The following ZNF385D variants were observed in gnomAD, a reference collection of about 807,000 sequenced individuals.
The protein encoded by ZNF385D is zinc finger protein 385D.
A neutral mutation model predicts 35.8 loss-of-function variants in ZNF385D; 15 were observed. The ratio of observed to expected loss-of-function variants is 0.42; its 90% confidence interval spans 0.28 to 0.64. The LOEUF (loss-of-function observed/expected upper bound fraction) is 0.64, where lower values mean the gene tolerates loss of function less well. Among genes scored for constraint, ZNF385D ranks in the 30% least tolerant of loss-of-function variants. The pLI is 0.23. For synonymous variants in ZNF385D, 212 were observed against 186.8 expected, an observed-to-expected ratio of 1.13 and a Z score of -1.10; for missense variants, 474 against 494.6, an observed-to-expected ratio of 0.96 and a Z score of 0.39.
chr3:21,799,665 G>GT (rs2072310527), intron 3 of ZNF385D, among the ~76,000 whole-genome samples: 1 of 152,036 alleles, frequency 6.6e-6, no homozygotes, highest in Non-Finnish European at 1.5e-5. Flanking sequence ...CATATTCTGA[G>GT]TATTAGACCT....
chr3:22,197,669 C>T (rs896239878), intron 2 of ZNF385D, among the ~76,000 whole-genome samples: 1 of 152,082 alleles, frequency 6.6e-6, no homozygotes, highest in Non-Finnish European at 1.5e-5. Flanking sequence ...CAGTGTTTTT[C>T]ACTCCTGTTG....
At chr3:21,719,745 A>T (rs2068464472) in intron 1 of ZNF385D, among the ~76,000 whole-genome samples, 1 of 151,154 alleles carries the variant, frequency 6.6e-6, no homozygotes, top group African/African-American at 2.5e-5. Context: ...TCTCTCTCTC[A>T]GAGTATAATG....
At chr3:21,719,590 T>C (rs1385499638) in intron 1 of ZNF385D, among the ~76,000 whole-genome samples, 2 of 152,162 alleles carry the variant, frequency 1.3e-5, no homozygotes, top group Non-Finnish European at 2.9e-5. Flanking sequence ...ATGAGACATA[T>C]GACGTATGAA....
At chr3:21,947,641 C>T (rs574994919) in intron 3 of ZNF385D, among the ~76,000 whole-genome samples, 24 of 152,222 alleles carry the variant, frequency 1.6e-4, no homozygotes, top group African/African-American at 2.2e-4. Flanking sequence ...TGAGCCACCG[C>T]GCCCGGCTAT....
At chr3:21,724,350 C>T (rs1209228466) in intron 1 of ZNF385D, among the ~76,000 whole-genome samples, 9 of 151,604 alleles carry the variant, frequency 5.9e-5, no homozygotes, top group African/African-American at 1.5e-4. Flanking sequence ...AAAAGACACA[C>T]AATGGCACAT....
At chr3:22,108,640 C>A (rs147264132) in intron 3 of ZNF385D, among the ~76,000 whole-genome samples, 1 of 152,066 alleles carries the variant, frequency 6.6e-6, no homozygotes, top group Non-Finnish European at 1.5e-5. Flanking sequence ...CTCTCTAAGG[C>A]CAATTCTCTC....
intron 3 of ZNF385D, among the ~76,000 whole-genome samples, chr3:21,913,866 T>C (rs1700076034): frequency 1.3e-5 from 2 of 152,090 alleles, no homozygotes; most frequent in African/African-American, 4.8e-5. Flanking sequence ...TCCTCATCAG[T>C]AGTTGTTAAA....
In ZNF385D at chr3:21,420,620, G is replaced by C. The variant is rs1320648475; in HGVS notation, c.*594C>G. ...TGAAATAGTTGTTCATTCTACCTTT[G>C]CAATTCTTTAAAACCTAGTGGCATA... On this transcript the variant is annotated 3_prime_UTR_variant, in exon 8 of 8. Transcript: ENST00000281523. The C allele has an allele frequency of 6.6e-6, 1 of 152,188 alleles. No homozygotes were observed. The highest frequency in any genetic ancestry group is 1.5e-5 in the Non-Finnish European group (1 of 68,126). 9.4% of individuals were successfully genotyped at this position (152,188 alleles called of 1,614,324 possible).
intron 2 of ZNF385D, among the ~76,000 whole-genome samples, chr3:22,348,794 G>A (rs1252596552): frequency 6.6e-6 from 1 of 152,138 alleles, no homozygotes; most frequent in Non-Finnish European, 1.5e-5. Flanking sequence ...TAAGGAGAGA[G>A]GCATGGTGAT....
intron 3 of ZNF385D, chr3:21,563,235 T>C (rs1019850822): frequency 3.9e-5 from 6 of 152,256 alleles, no homozygotes; most frequent in African/African-American, 1.4e-4. Context: ...AAATATGCCA[T>C]GTGGGAACCA....
chr3:22,215,405 A>C (rs931120653), intron 2 of ZNF385D, among the ~76,000 whole-genome samples: 1 of 152,064 alleles, frequency 6.6e-6, no homozygotes, highest in African/African-American at 2.4e-5. Flanking sequence ...CATCCCTGAG[A>C]AAGAGAATGC....
intron 2 of ZNF385D, among the ~76,000 whole-genome samples, chr3:21,600,880 T>TAAAA (rs5847117): frequency 0.034 from 5,160 of 151,314 alleles, 199 homozygotes; most frequent in African/African-American, 0.092. Flanking sequence ...AATTTAAAAA[T>TAAAA]AATAAGTCAA....
At position 21,731,702 on chromosome 3, in the gene ZNF385D, T is replaced by C. The variant is rs1045806435; in HGVS notation, c.22+19193A>G. Among the ~76,000 whole-genome samples, 131 of 152,324 alleles carry C rather than the reference T, an allele frequency of 8.6e-4. 3 individuals are homozygous for C. Among genetic ancestry groups the C allele is most frequent in the African/African-American group, 3.1e-3 (129 of 41,566 alleles). ...ACCCCTGGCAATCCCACTAATACTG[T>C]ATTTTGAATATGAATTTGATAGAAA... On this transcript the variant is annotated intron_variant, in intron 1 of 7. Transcript: ENST00000281523.
chr3:21,904,123 T>C (rs983261334), intron 3 of ZNF385D, among the ~76,000 whole-genome samples: 2 of 151,634 alleles, frequency 1.3e-5, no homozygotes, highest in African/African-American at 4.8e-5. Flanking sequence ...GACAACATGG[T>C]TGAAATCCCA....
intron 3 of ZNF385D, among the ~76,000 whole-genome samples, chr3:22,025,372 C>A (rs891041428): frequency 1.2e-4 from 18 of 152,212 alleles, no homozygotes; most frequent in African/African-American, 4.1e-4. Context: ...CCTAGAGGGT[C>A]CCTAGAGGTG....
At chr3:21,874,987 C>G (rs1166459047) in intron 3 of ZNF385D, among the ~76,000 whole-genome samples, 1 of 122,108 alleles carries the variant, frequency 8.2e-6, no homozygotes, top group Non-Finnish European at 1.8e-5. Flanking sequence ...TATTTTGATG[C>G]CTTTTTTTAT....
chr3:22,076,589 T>G (rs1700475790), intron 3 of ZNF385D, among the ~76,000 whole-genome samples: 1 of 151,944 alleles, frequency 6.6e-6, no homozygotes, highest in Admixed American at 6.6e-5. Context: ...TGTAATTGTT[T>G]ATGTTTCCTA....
chr3:21,980,348 G>T (rs186763767), intron 3 of ZNF385D, among the ~76,000 whole-genome samples: 159 of 152,242 alleles, frequency 1.0e-3, no homozygotes, highest in African/African-American at 3.7e-3. Flanking sequence ...CATGGAAACT[G>T]TGACATAAAT....
At chr3:21,747,648 T>A (rs1477362205) in intron 1 of ZNF385D, among the ~76,000 whole-genome samples, 1 of 152,188 alleles carries the variant, frequency 6.6e-6, no homozygotes, top group Non-Finnish European at 1.5e-5. Flanking sequence ...CTGGAGACAG[T>A]GCACAGTTAC....
Sources: gnomAD v4.1 joint callset for allele counts (sites outside exome capture counted in the v4.1 genomes callset) on GRCh38, gnomAD v4.1.1 for gene constraint, MANE v1.5 for transcripts, NCBI Gene and HGNC (gene_info 2026-07-23, HGNC 2026-07-21) for gene names.